Variants in PTPRR observed in about 807,000 individuals in gnomAD.
PTPRR encodes the protein receptor-type tyrosine-protein phosphatase R.
A neutral mutation model predicts 77.2 loss-of-function variants in PTPRR; 38 were observed. The ratio of observed to expected loss-of-function variants is 0.49; its 90% CI spans 0.38 to 0.65. The LOEUF (loss-of-function observed/expected upper bound fraction) is 0.65, where lower values mean the gene tolerates loss of function less well. PTPRR is among the 30% of genes least tolerant of loss of function. The pLI, the probability that PTPRR is intolerant of heterozygous loss-of-function variation, is 0.00. For synonymous variants in PTPRR, 299 were observed against 283.1 expected (o/e 1.06, Z -0.57); for missense variants, 744 against 799.2 (o/e 0.93, Z 0.83).
chr12:70,846,228 C>T (rs964701883), intron 2 of PTPRR, among the ~76,000 whole-genome samples: 3 of 152,066 alleles, frequency 2.0e-5, no homozygotes, highest in Non-Finnish European at 4.4e-5. Context: ...CCACTAGCTA[C>T]GGACCAGAAA....
intron 6 of PTPRR, among the ~76,000 whole-genome samples, chr12:70,736,255 C>T (rs1397343487): frequency 6.6e-6 from 1 of 152,090 alleles, no homozygotes; most frequent in Non-Finnish European, 1.5e-5. Context: ...TTGAGTCCAC[C>T]TCATGAAATT....
intron 2 of PTPRR, among the ~76,000 whole-genome samples, chr12:70,831,296 AATCAC>A: frequency 6.6e-6 from 1 of 152,324 alleles, no homozygotes; most frequent in East Asian, 1.9e-4. Context: ...GTTAGGTTAA[AATCAC>A]TTCATTGGCA....
At chr12:70,887,112 C>T (rs752571959) in intron 2 of PTPRR, among the ~76,000 whole-genome samples, 1 of 152,140 alleles carries the variant, frequency 6.6e-6, no homozygotes, top group African/African-American at 2.4e-5. Flanking sequence ...TACATTTCTA[C>T]TTTTGAAATT....
intron 2 of PTPRR, among the ~76,000 whole-genome samples, chr12:70,777,585 T>C (rs1249807603): frequency 1.3e-5 from 2 of 152,208 alleles, no homozygotes. Flanking sequence ...TTATATTCTG[T>C]GTATTAGAGA....
intron 13 of PTPRR, among the ~76,000 whole-genome samples, chr12:70,653,966 C>T (rs368407650): frequency 5.9e-5 from 9 of 152,008 alleles, no homozygotes; most frequent in Non-Finnish European, 1.0e-4. Context: ...AGGGAAGATA[C>T]GGTTAGAAAG....
chr12:70,744,336 A>T (rs1387064789), intron 6 of PTPRR, among the ~76,000 whole-genome samples: 1 of 152,158 alleles, frequency 6.6e-6, no homozygotes, highest in East Asian at 1.9e-4. Flanking sequence ...CTGAATCACA[A>T]AAAGCAATTT....
intron 2 of PTPRR, among the ~76,000 whole-genome samples, chr12:70,832,861 T>G (rs991407310): frequency 9.2e-5 from 14 of 151,488 alleles, no homozygotes; most frequent in Non-Finnish European, 1.6e-4. Flanking sequence ...TGGTGGGAGG[T>G]GAAGGGGGAG....
chr12:70,743,182 G>A (rs1042189580), intron 6 of PTPRR, among the ~76,000 whole-genome samples: 2 of 152,120 alleles, frequency 1.3e-5, no homozygotes, highest in Admixed American at 1.3e-4. Flanking sequence ...ACCGAAGGTA[G>A]CCATGCAAGA....
intron 2 of PTPRR, among the ~76,000 whole-genome samples, chr12:70,830,877 C>G (rs901672920): frequency 6.6e-6 from 1 of 152,228 alleles, no homozygotes; most frequent in African/African-American, 2.4e-5. Context: ...TAGCCAGCCA[C>G]TAGTCTAAGG....
At chr12:70,866,625 C>T (rs889092061) in intron 2 of PTPRR, among the ~76,000 whole-genome samples, 2 of 152,182 alleles carry the variant, frequency 1.3e-5, no homozygotes, top group Non-Finnish European at 2.9e-5. Context: ...TGGTACCATT[C>T]CTTCTGAAAC....
chr12:70,688,116 T>A (rs1425435843), intron 8 of PTPRR, among the ~76,000 whole-genome samples: 1 of 152,234 alleles, frequency 6.6e-6, no homozygotes, highest in Admixed American at 6.5e-5. Flanking sequence ...GTATTCATAA[T>A]GTTGTATTCA....
chr12:70,787,250 G>A (rs1565697105), intron 2 of PTPRR, among the ~76,000 whole-genome samples: 1 of 152,134 alleles, frequency 6.6e-6, no homozygotes, highest in South Asian at 2.1e-4. Flanking sequence ...ATTATTAACT[G>A]TTAGAAGTAT....
chr12:70,915,498 T>A (rs1893762076), intron 1 of PTPRR, among the ~76,000 whole-genome samples: 1 of 152,224 alleles, frequency 6.6e-6, no homozygotes, highest in South Asian at 2.1e-4. Flanking sequence ...TTCTAGTGTA[T>A]TAGACTCTCT....
chr12:70,737,531 T>TA (rs1555171460), intron 6 of PTPRR, among the ~76,000 whole-genome samples: 1 of 151,674 alleles, frequency 6.6e-6, no homozygotes, highest in African/African-American at 2.4e-5. Context: ...TCTATCTATC[T>TA]ATCTTTCGAG....
At chr12:70,872,474 T>G (rs1356813694) in intron 2 of PTPRR, among the ~76,000 whole-genome samples, 2 of 151,640 alleles carry the variant, frequency 1.3e-5, no homozygotes, top group Non-Finnish European at 2.9e-5. Context: ...GGCAGGCGGA[T>G]CATGAGGTCA....
chr12:70,796,825 C>T (rs925144458), intron 2 of PTPRR, among the ~76,000 whole-genome samples: 2 of 151,482 alleles, frequency 1.3e-5, no homozygotes, highest in African/African-American at 4.9e-5. Flanking sequence ...GTCAGGAGTT[C>T]GAGACCAGCC....
chr12:70,788,415 T>C (rs75453657), intron 2 of PTPRR, among the ~76,000 whole-genome samples: 9,965 of 152,308 alleles, frequency 0.065, 448 homozygotes, highest in Non-Finnish European at 0.1. Flanking sequence ...TTTTCGTTTC[T>C]AGTTGTAGTC....
intron 6 of PTPRR, among the ~76,000 whole-genome samples, chr12:70,719,282 C>T (rs1185241491): frequency 2.0e-5 from 3 of 152,118 alleles, no homozygotes; most frequent in Non-Finnish European, 4.4e-5. Context: ...AACCTACTGC[C>T]AATTCGCTCC....
chr12:70,652,296 C>A (rs187570949), intron 13 of PTPRR, among the ~76,000 whole-genome samples: 5 of 151,958 alleles, frequency 3.3e-5, no homozygotes, highest in African/African-American at 1.2e-4. Flanking sequence ...GAACAAGAGG[C>A]AAGAATAATG....
Sources: allele counts gnomAD v4.1 joint callset (sites outside exome capture counted in the v4.1 genomes callset), GRCh38; gene constraint gnomAD v4.1.1; transcripts MANE v1.5; gene names NCBI Gene and HGNC (gene_info 2026-07-23, HGNC 2026-07-21).